RNF123: variants seen among roughly 807,000 people sequenced by gnomAD.
RNF123 encodes ring finger protein 123, also known as E3 ubiquitin-protein ligase RNF123.
Under a neutral mutation model 168.5 loss-of-function variants are expected in RNF123, and 86 were observed. The observed-to-expected ratio is 0.51, with a 90% CI of 0.43 to 0.61. The LOEUF (loss-of-function observed/expected upper bound fraction) is 0.61, where lower values mean the gene tolerates loss of function less well. Ranked by LOEUF, RNF123 falls within the 20% of genes least tolerant of loss-of-function variation. The probability of loss-of-function intolerance (pLI) is 0.00; values close to 1 mark genes in which losing one functional copy is unlikely to be tolerated. For synonymous variants in RNF123, 666 were observed against 689.1 expected (o/e 0.97, Z 0.52); for missense variants, 1,419 against 1,729.7 (o/e 0.82, Z 3.19).
intron 7 of RNF123, 148 bp downstream of exon 7, chr3:49,698,285 C>A: frequency 1.1e-6 from 1 of 913,858 alleles, no homozygotes; most frequent in Non-Finnish European, 1.7e-6. Flanking sequence ...CCCACCCAAT[C>A]CCAGGCACCC....
In RNF123 at chr3:49,701,811, G is replaced by A. The variant is rs1243234654; in HGVS notation, c.1396G>A (p.Gly466Ser). Residue 466 changes from glycine to serine, a missense_variant and splice_region_variant, in exon 17 of 39, where the codon GGC becomes AGC. Physicochemically the swap from Gly to Ser is moderately conservative, Grantham distance 56. Coordinates refer to ENST00000327697, the MANE Select transcript of RNF123 (RefSeq NM_022064.5). The stretch of plus-strand genomic sequence containing the variant: ...TATTCCACCTGCTACCCCTGCCTAG[G>A]GCAAAGAGAGCACGGAGATGAAGGA... ...TWWPHCSSRE[G>S]KESTEMKEET... 8.3e-6 allele frequency: 13 copies of A among 1,569,688 alleles called. 1 individual carries two copies. The highest frequency in any genetic ancestry group is 5.8e-5 in the South Asian group (5 of 85,514).
At chr3:49,705,877 G>A in intron 24 of RNF123, 105 bp from the exon 25 acceptor site, 1 of 1,469,666 alleles carries the variant, frequency 6.8e-7, no homozygotes, top group African/African-American at 1.4e-5. Flanking sequence ...ACCGCCCTGG[G>A]CCTAAGGTTG....
rs754476499 is a variant in RNF123 at position 49,714,168 on chromosome 3, C to T, written c.3004C>T (p.Leu1002Phe). 1.7e-5 allele frequency: 27 copies of T among 1,614,132 alleles called. No homozygotes were observed. Among genetic ancestry groups the T allele is most frequent in the Non-Finnish European group, 1.9e-5 (23 of 1,180,006 alleles). ...TKLEDANLPS[L>F]QKPCPSTLLQ... ...ACTTGAGGACGCCAATTTGCCCAGC[C>T]TCCAGAGTGAGTATCTGGGTTGGGC... The change falls in exon 31 of 39, where the codon CTC becomes TTC. Residue 1002 changes from leucine to phenylalanine, a missense_variant. Leu to Phe is a conservative substitution (Grantham distance 22, BLOSUM62 0). This residue lies in a region of RNF123 where 538 missense variants were observed against 708.8 expected (regional missense o/e 0.76). Coordinates refer to ENST00000327697, the MANE Select transcript of RNF123 (RefSeq NM_022064.5).
Position 49,704,987 on chromosome 3 carries a change from C to A in RNF123, c.1963C>A (p.Pro655Thr), listed in dbSNP as rs1174697636. The change falls in exon 23 of 39, where the codon CCC becomes ACC. Residue 655 changes from proline (P) to threonine (T), a missense_variant. Around this residue, in one of 5 missense-constraint regions of RNF123, gnomAD observed 538 missense variants for 708.8 expected, o/e 0.76. Transcript: ENST00000327697. ...TGGCCGCCTTTCTTCACTGCAGCGC[C>A]CCATGCAGGCCCTGGCTGTTGGGGG... The part of the protein sequence containing the change: ...EEPAPAMAQR[P>T]MQALAVGGPL... 2 of 1,603,750 alleles carry A rather than the reference C, an allele frequency of 1.2e-6. No homozygotes were observed. Among genetic ancestry groups the A allele is most frequent in the East Asian group, 2.2e-5 (1 of 44,514 alleles).
intron 31 of RNF123, among the ~76,000 whole-genome samples, chr3:49,714,479 A>C (rs941748685): frequency 1.3e-5 from 2 of 152,206 alleles, no homozygotes; most frequent in African/African-American, 4.8e-5. Flanking sequence ...GCTACAGCTC[A>C]TGCAGACTGA....
intron 26 of RNF123, among the ~76,000 whole-genome samples, chr3:49,709,904 A>G (rs1478132549): frequency 6.6e-6 from 1 of 151,756 alleles, no homozygotes; most frequent in African/African-American, 2.4e-5. Context: ...GGAAACTACC[A>G]TATCATTTCT....
In RNF123 at chr3:49,716,440, A is replaced by ATCCTGGTGCAGC; in HGVS notation, c.3473_3484dup (p.Gln1158_Val1161dup). 6.2e-7 allele frequency: 1 copy of ATCCTGGTGCAGC among 1,614,028 alleles called. No homozygotes were observed. The highest frequency in any genetic ancestry group is 1.3e-5 in the African/African-American group (1 of 75,010). ...TCCCATTCTGGTGGCAGTGACGGGC[A>ATCCTGGTGCAGC]TCCTGGTGCAGCTCCTGGTGCGTGG... is the stretch of plus-strand genomic sequence containing the variant. On this transcript the variant is annotated inframe_insertion, in exon 35 of 39. Transcript: ENST00000327697.
chr3:49,716,419 A>G lies in RNF123; in HGVS notation c.3442A>G (p.Ile1148Val). The G allele has an allele frequency of 6.2e-7, 1 of 1,613,880 alleles. No individual in the cohort carries two copies. The highest frequency in any genetic ancestry group is 1.3e-5 in the African/African-American group (1 of 74,966). Residue 1148 changes from isoleucine to valine, a missense_variant, in exon 35 of 39, where the codon ATT becomes GTT. By Grantham distance (29) the Ile-to-Val change is conservative. Around this residue, in one of 5 missense-constraint regions of RNF123, gnomAD observed 164 missense variants for 152.3 expected, o/e 1.08. Transcript: ENST00000327697. ...PGLESVDHYPILVAVTGILVQ... is the reference protein window; with the variant it reads ...PGLESVDHYPVLVAVTGILVQ... ...CCTAGAGAGCGTGGACCACTATCCC[A>G]TTCTGGTGGCAGTGACGGGCATCCT...
At chr3:49,694,794 C>T (rs985338461) in intron 3 of RNF123, among the ~76,000 whole-genome samples, 1 of 152,048 alleles carries the variant, frequency 6.6e-6, no homozygotes, top group Non-Finnish European at 1.5e-5. Context: ...CATACTCAGT[C>T]CTGGCCTGTT....
At chr3:49,712,771 G>A in intron 27 of RNF123, 115 bp downstream of exon 27, 1 of 1,207,756 alleles carries the variant, frequency 8.3e-7, no homozygotes, top group South Asian at 1.2e-5. Flanking sequence ...GGGGGGCGGG[G>A]AGGGGAGGAG....
chr3:49,701,977 G>A (rs1370102826), intron 17 of RNF123, 67 bp downstream of exon 17: 2 of 1,548,582 alleles, frequency 1.3e-6, no homozygotes, highest in African/African-American at 1.4e-5. Flanking sequence ...GCTTGGAGGT[G>A]CCCATGTCTA....
chr3:49,715,851 G>C lies in RNF123; in HGVS notation c.3180G>C (p.Arg1060=). ...AGCAGGCTGCTGAGCGCCTGGAGCG[G>C]AACTTTGTGGACAGCCGGCAGCTCA... ...EIQQAAERLE[R]NFVDSRQLKV... The change falls in exon 33 of 39, where the codon CGG becomes CGC. Residue 1060 remains arginine (R), a synonymous_variant. Transcript: ENST00000327697. The C allele has an allele frequency of 6.2e-7, 1 of 1,614,090 alleles. No individual in the cohort carries two copies. Among genetic ancestry groups the C allele is most frequent in the Non-Finnish European group, 8.5e-7 (1 of 1,180,046 alleles).
At chr3:49,698,922 C>T in intron 9 of RNF123, 58 bp from the exon 10 acceptor site, 1 of 1,607,884 alleles carries the variant, frequency 6.2e-7, no homozygotes, top group Non-Finnish European at 8.5e-7. Flanking sequence ...AGTTTGATAG[C>T]CTGAGGGTGG....
intron 26 of RNF123, among the ~76,000 whole-genome samples, chr3:49,709,046 C>T (rs1225002306): frequency 6.6e-6 from 1 of 152,064 alleles, no homozygotes; most frequent in East Asian, 1.9e-4. Context: ...CGGCTCACAT[C>T]CTGGGTTCAA....
chr3:49,721,293 C>G lies in RNF123; in HGVS notation c.3933C>G (p.Ser1311=). ...WEKGANTSTT[S]SAA ...AGGGAGCCAATACGAGTACTACCTC[C>G]TCAGCTGCCTAGCCCTCACAGCCTG... The change falls in exon 39 of 39, where the codon TCC becomes TCG. Residue 1311 remains serine, a synonymous_variant. Transcript: ENST00000327697. The G allele has an allele frequency of 6.2e-7, 1 of 1,614,224 alleles. No individual in the cohort carries two copies. The highest frequency in any genetic ancestry group is 8.5e-7 in the Non-Finnish European group (1 of 1,180,038).
chr3:49,689,708 G>A (rs2329016), intron 1 of RNF123, 102 bp downstream of exon 1: 4 of 152,458 alleles, frequency 2.6e-5, no homozygotes, highest in Non-Finnish European at 4.4e-5. Context: ...CAGGGATCTG[G>A]GTGCGAAACT....
chr3:49,706,725 C>G, intron 25 of RNF123, 66 bp from the exon 26 acceptor site: 1 of 1,412,666 alleles, frequency 7.1e-7, no homozygotes, highest in East Asian at 2.3e-5. Flanking sequence ...AGGCTGCCTG[C>G]AGGATCAGGG....
rs1366601200 is a variant in RNF123, at chr3:49,721,068, T to C, written c.3787T>C (p.Ser1263Pro). The C allele has an allele frequency of 1.2e-6, 2 of 1,613,810 alleles. No homozygotes were observed. The highest frequency in any genetic ancestry group is 1.7e-6 in the Non-Finnish European group (2 of 1,179,924). Residue 1263 changes from serine (S) to proline (P), a missense_variant, in exon 38 of 39, where the codon TCT becomes CCT. This residue lies in a region of RNF123 where 50 missense variants were observed against 77.2 expected (regional missense o/e 0.65). Coordinates refer to ENST00000327697, the MANE Select transcript of RNF123 (RefSeq NM_022064.5). ...LCPICYAHPISAVFQPCGHKS... is the reference protein window; with the variant it reads ...LCPICYAHPIPAVFQPCGHKS... ...CCCCATCTGCTATGCCCACCCCATCTCTGCTGTGTTCCAGCCCTGTGGCCA... is the reference window on the plus strand; with the variant it reads ...CCCCATCTGCTATGCCCACCCCATCCCTGCTGTGTTCCAGCCCTGTGGCCA...
At chr3:49,703,339 G>C in intron 20 of RNF123, 88 bp from the exon 21 acceptor site, 1 of 1,095,158 alleles carries the variant, frequency 9.1e-7, no homozygotes, top group Non-Finnish European at 1.4e-6. Context: ...TTCCCAGGCT[G>C]TGCTAGGCCA....
Sources: allele counts gnomAD v4.1 joint callset (sites outside exome capture counted in the v4.1 genomes callset), GRCh38; gene constraint gnomAD v4.1.1; regional missense constraint gnomAD v4.1.1; transcripts MANE v1.5; gene names NCBI Gene and HGNC (gene_info 2026-07-23, HGNC 2026-07-21).